C4orf50: variants seen among roughly 807,000 people sequenced by gnomAD.
C4orf50 encodes the protein chromosome 4 open reading frame 50.
A neutral mutation model predicts 77.2 loss-of-function variants in C4orf50; 80 were observed. That is an observed-to-expected ratio of 1.04 (90% CI 0.87 to 1.25). C4orf50 has a LOEUF of 1.25. C4orf50 is among the 50% of genes most tolerant of loss of function. The probability of loss-of-function intolerance (pLI) is 0.00; values close to 1 mark genes in which losing one functional copy is unlikely to be tolerated. For missense variants in C4orf50, 1,257 were observed against 1,152.9 expected (o/e 1.09, Z -1.31); for synonymous variants, 532 against 465.3 (o/e 1.14, Z -1.84).
At chr4:6,012,913 C>T (rs1251560611) in intron 23 of C4orf50, among the ~76,000 whole-genome samples, 1 of 152,188 alleles carries the variant, frequency 6.6e-6, no homozygotes, top group Non-Finnish European at 1.5e-5. Context: ...TCACAGCCTC[C>T]ATGCCTAAGC....
chr4:5,945,185 T>G (rs959602045), intron 7 of C4orf50, among the ~76,000 whole-genome samples: 1 of 152,206 alleles, frequency 6.6e-6, no homozygotes, highest in African/African-American at 2.4e-5. Context: ...CAGTCCCCTC[T>G]GCATGAAATA....
At chr4:5,954,841 A>C (rs1228131701), downstream of C4orf50, among the ~76,000 whole-genome samples, 1 of 152,180 alleles carries the variant, frequency 6.6e-6, no homozygotes, top group Non-Finnish European at 1.5e-5. The surrounding 1 kb of genome is among the most constrained non-coding windows in gnomAD (Gnocchi z 4.7). Flanking sequence ...AGACCAGTGG[A>C]AAGGACCAGA....
intron 25 of C4orf50, among the ~76,000 whole-genome samples, chr4:5,998,193 T>G (rs1191919145): frequency 6.6e-6 from 1 of 152,202 alleles, no homozygotes; most frequent in Non-Finnish European, 1.5e-5. Context: ...CCTTTTAACC[T>G]TTGACAGATG....
Position 6,018,156 on chromosome 4 carries a change from C to T in C4orf50, c.276G>A (p.Gly92=). The change falls in exon 23 of 34, where the codon GGG becomes GGA. Residue 92 remains glycine, a synonymous_variant. Coordinates refer to ENST00000531445, the Ensembl canonical transcript of C4orf50. This position sits in a 1 kb window ranked among gnomAD's most constrained non-coding sequence, Gnocchi z 5.1. ...AATGGCATCGCTACCTGCTTCTCAGCCCGGACTCCGATGTCACGTACTTGT... is the reference window on the plus strand; with the variant it reads ...AATGGCATCGCTACCTGCTTCTCAGTCCGGACTCCGATGTCACGTACTTGT... 2.5e-6 allele frequency: 1 copy of T among 398,862 alleles called. No homozygotes were observed. Among genetic ancestry groups the T allele is most frequent in the Non-Finnish European group, 4.4e-6 (1 of 226,088 alleles). The allele number at this position is 398,862 out of a possible 1,614,324, so 24.7% of individuals were successfully genotyped here. A position where few individuals can be genotyped will look rare whatever the true frequency, so the allele number is the denominator to read the frequency against.
exon 34 of C4orf50, chr4:5,959,471 C>A: frequency 6.2e-7 from 1 of 1,614,196 alleles, no homozygotes; most frequent in South Asian, 1.1e-5. Context: ...TTGCTGGGCT[C>A]AGGAGCTCAG....
intron 33 of C4orf50, among the ~76,000 whole-genome samples, chr4:5,959,978 C>G (rs967900514): frequency 6.6e-6 from 1 of 152,182 alleles, no homozygotes; most frequent in Non-Finnish European, 1.5e-5. Context: ...GAGAAAGTGA[C>G]CTTCCCTTGA....
At chr4:5,984,935 C>A (rs1230950544) in intron 28 of C4orf50, among the ~76,000 whole-genome samples, 2 of 150,714 alleles carry the variant, frequency 1.3e-5, no homozygotes, top group East Asian at 3.9e-4. Context: ...GTGAAGCTGC[C>A]AAAACTCAAA....
At chr4:5,945,096 C>A (rs143109892) in intron 7 of C4orf50, among the ~76,000 whole-genome samples, 1 of 152,198 alleles carries the variant, frequency 6.6e-6, no homozygotes, top group Non-Finnish European at 1.5e-5. Context: ...AGCACTGGAG[C>A]GTGCATGGGG....
In C4orf50 at chr4:5,919,432, G is replaced by A. The variant is rs1349397055; in HGVS notation, c.*2475-21244C>T. Among the ~76,000 whole-genome samples the A allele has an allele frequency of 6.6e-6, 1 of 152,054 alleles. No homozygotes were observed. The highest frequency in any genetic ancestry group is 1.5e-5 in the Non-Finnish European group (1 of 68,016). ...TGAGGCAGGGGCAGGTGGGGGTGGG[G>A]GGCACACCCTTTCCTAAAGGGGACT... On this transcript the variant is annotated intron_variant, in intron 7 of 7. Transcript: ENST00000324058. This position sits in a 1 kb window ranked among gnomAD's most constrained non-coding sequence, Gnocchi z 6.5.
At position 5,916,668 on chromosome 4, in the gene C4orf50, G is replaced by T. The variant is rs1717040530; in HGVS notation, c.*2475-18480C>A. ...GGGGAGATCCCAGAAGTAGGAGTGA[G>T]GGAGCAGGGAGGTGAGACAGGGAGG... On this transcript the variant is annotated intron_variant, in intron 7 of 7. Transcript: ENST00000324058. This position sits in a 1 kb window ranked among gnomAD's most constrained non-coding sequence, Gnocchi z 4.4. Among the ~76,000 whole-genome samples, 1 of 152,214 alleles carries T rather than the reference G, an allele frequency of 6.6e-6. No individual in the cohort carries two copies.
chr4:6,010,800 C>G (rs965976381), intron 24 of C4orf50, among the ~76,000 whole-genome samples: 9 of 152,204 alleles, frequency 5.9e-5, no homozygotes, highest in African/African-American at 2.2e-4. Context: ...GCCCTCCAGC[C>G]CCATCGTCCT....
chr4:5,898,896 T>C (rs536766930), intron 7 of C4orf50: 1 of 152,326 alleles, frequency 6.6e-6, no homozygotes, highest in South Asian at 2.1e-4. Flanking sequence ...CCATTAGTCT[T>C]TCCATTACTC....
chr4:5,921,927 G>A (rs1717292618), intron 7 of C4orf50, among the ~76,000 whole-genome samples: 1 of 152,158 alleles, frequency 6.6e-6, no homozygotes, highest in Non-Finnish European at 1.5e-5. Flanking sequence ...TACTGCATCA[G>A]GCACAAAAAG....
At chr4:5,955,649 C>T (rs185014494), downstream of C4orf50, among the ~76,000 whole-genome samples, 401 of 152,294 alleles carry the variant, frequency 2.6e-3, 2 homozygotes, top group African/African-American at 9.2e-3. The surrounding 1 kb of genome is among the most constrained non-coding windows in gnomAD (Gnocchi z 5.1). Context: ...GCCTCACCAG[C>T]CTCCAAACTG....
At chr4:5,978,267 G>A (rs983078215) in intron 29 of C4orf50, among the ~76,000 whole-genome samples, 2 of 149,358 alleles carry the variant, frequency 1.3e-5, no homozygotes, top group South Asian at 2.1e-4. Context: ...AAGCAACTGC[G>A]ATAGAGATGT....
chr4:5,959,604 G>C, exon 34 of C4orf50: 1 of 1,614,052 alleles, frequency 6.2e-7, no homozygotes, highest in South Asian at 1.1e-5. Context: ...AGGATCAAGC[G>C]TGGACACCAA....
At chr4:5,917,710 G>T (rs1717091557) in intron 7 of C4orf50, among the ~76,000 whole-genome samples, 1 of 152,036 alleles carries the variant, frequency 6.6e-6, no homozygotes, top group Non-Finnish European at 1.5e-5. Context: ...GCCAATTTCT[G>T]TATTTCTACT....
At chr4:5,929,171 T>C (rs1337285868) in intron 7 of C4orf50, among the ~76,000 whole-genome samples, 1 of 152,218 alleles carries the variant, frequency 6.6e-6, no homozygotes, top group Non-Finnish European at 1.5e-5. Flanking sequence ...CGCACTATTA[T>C]AAATCATAGC....
chr4:5,939,002 G>A (rs1279806623), intron 7 of C4orf50, among the ~76,000 whole-genome samples: 1 of 152,114 alleles, frequency 6.6e-6, no homozygotes, highest in Non-Finnish European at 1.5e-5. Flanking sequence ...AGCACTTTGG[G>A]AGGCCAAGGC....
Sources: allele counts gnomAD v4.1 joint callset (sites outside exome capture counted in the v4.1 genomes callset), GRCh38; gene constraint gnomAD v4.1.1; non-coding constraint Gnocchi (gnomAD v3.1); transcripts MANE v1.5; gene names NCBI Gene and HGNC (gene_info 2026-07-23, HGNC 2026-07-21).